Variants in LOC128462377 observed in about 807,000 individuals in gnomAD.
At chr16:89,324,149 T>C in the LOC128462377 span, 1 of 1,011,212 alleles carries the variant, frequency 9.9e-7, no homozygotes, top group African/African-American at 1.7e-5. Flanking sequence ...TGCAGCCCTG[T>C]TTCCACTCAC....
the LOC128462377 span, among the ~76,000 whole-genome samples, chr16:89,386,957 T>C: frequency 6.7e-6 from 1 of 150,040 alleles, no homozygotes; most frequent in African/African-American, 2.5e-5. Context: ...GGCTTGGCAG[T>C]GAGGGCAGGA....
At chr16:89,352,578 C>G in the LOC128462377 span, among the ~76,000 whole-genome samples, 1 of 152,170 alleles carries the variant, frequency 6.6e-6, no homozygotes, top group East Asian at 1.9e-4. Context: ...CACTTCCTCT[C>G]GCCCTGGCCC....
the LOC128462377 span, among the ~76,000 whole-genome samples, chr16:89,390,842 G>A: frequency 4.6e-5 from 7 of 152,154 alleles, no homozygotes; most frequent in African/African-American, 9.7e-5. Flanking sequence ...CCTGCCCTCC[G>A]CATCTGACTG....
chr16:89,401,069 T>C, the LOC128462377 span, among the ~76,000 whole-genome samples: 2 of 151,936 alleles, frequency 1.3e-5, no homozygotes, highest in African/African-American at 4.8e-5. Context: ...GTCTCAGTAA[T>C]GTTATATATT....
the LOC128462377 span, among the ~76,000 whole-genome samples, chr16:89,407,852 C>CAAAAAAAAAAA: frequency 9.0e-6 from 1 of 111,440 alleles, no homozygotes. Context: ...TGTCTCCCTC[C>CAAAAAAAAAAA]AAAAAAAAAA....
chr16:89,406,291 C>G, the LOC128462377 span, among the ~76,000 whole-genome samples: 1 of 152,102 alleles, frequency 6.6e-6, no homozygotes, highest in East Asian at 1.9e-4. Context: ...TGTCTCAGGC[C>G]AACGGCACTG....
chr16:89,389,434 T>C, the LOC128462377 span, among the ~76,000 whole-genome samples: 1 of 151,686 alleles, frequency 6.6e-6, no homozygotes, highest in African/African-American at 2.4e-5. Flanking sequence ...AAAAAGTCAA[T>C]CAAAAGCTAC....
chr16:89,335,174 AG>A, the LOC128462377 span, among the ~76,000 whole-genome samples: 1 of 152,206 alleles, frequency 6.6e-6, no homozygotes, highest in African/African-American at 2.4e-5. Flanking sequence ...TGGAAAGCAC[AG>A]GAAGTGAGCT....
At chr16:89,376,338 T>G in the LOC128462377 span, among the ~76,000 whole-genome samples, 2 of 152,192 alleles carry the variant, frequency 1.3e-5, no homozygotes, top group Non-Finnish European at 2.9e-5. Context: ...AATGTCAAGA[T>G]AACAGGAGAA....
chr16:89,414,964 G>T, the LOC128462377 span, among the ~76,000 whole-genome samples: 2 of 152,022 alleles, frequency 1.3e-5, no homozygotes, highest in Non-Finnish European at 2.9e-5. Context: ...TCTTTATTTG[G>T]GACAGGGTCT....
the LOC128462377 span, among the ~76,000 whole-genome samples, chr16:89,341,795 G>A: frequency 6.6e-6 from 1 of 152,108 alleles, no homozygotes; most frequent in African/African-American, 2.4e-5. Context: ...AGAGATGGCA[G>A]AGTCTGGCAC....
chr16:89,406,615 G>A, the LOC128462377 span, among the ~76,000 whole-genome samples: 1 of 152,198 alleles, frequency 6.6e-6, no homozygotes, highest in Non-Finnish European at 1.5e-5. Context: ...AAAGAGACAA[G>A]GAAGGCCCAG....
the LOC128462377 span, among the ~76,000 whole-genome samples, chr16:89,376,409 G>A: frequency 2.0e-5 from 3 of 152,284 alleles, no homozygotes; most frequent in East Asian, 1.9e-4. Flanking sequence ...GAATATCATC[G>A]AGGAAAAAGG....
At chr16:89,366,548 G>A in the LOC128462377 span, among the ~76,000 whole-genome samples, 1 of 152,178 alleles carries the variant, frequency 6.6e-6, no homozygotes, top group Non-Finnish European at 1.5e-5. Flanking sequence ...GTGTCTCGCT[G>A]TGAGAAACCC....
chr16:89,386,846 C>T, the LOC128462377 span, among the ~76,000 whole-genome samples: 2 of 152,218 alleles, frequency 1.3e-5, no homozygotes, highest in African/African-American at 2.4e-5. Context: ...AGTCCTATCA[C>T]AGCCAGAGCT....
chr16:89,335,912 G>C, the LOC128462377 span, among the ~76,000 whole-genome samples: 1 of 152,202 alleles, frequency 6.6e-6, no homozygotes. Context: ...TGACTGGCCA[G>C]ACCCCTGCCT....
At chr16:89,395,142 C>T in the LOC128462377 span, among the ~76,000 whole-genome samples, 1 of 152,204 alleles carries the variant, frequency 6.6e-6, no homozygotes, top group African/African-American at 2.4e-5. Context: ...CAGGCAACAC[C>T]ACCACTCAAA....
chr16:89,353,710 C>G, the LOC128462377 span, among the ~76,000 whole-genome samples: 1 of 152,208 alleles, frequency 6.6e-6, no homozygotes, highest in Non-Finnish European at 1.5e-5. Flanking sequence ...GAACTCCTGA[C>G]CTCAGCTGAT....
chr16:89,354,950 C>A, the LOC128462377 span, among the ~76,000 whole-genome samples: 1 of 152,116 alleles, frequency 6.6e-6, no homozygotes, highest in Non-Finnish European at 1.5e-5. Context: ...AAGAAAATGC[C>A]CCCAAAGGAG....
Sources: allele counts gnomAD v4.1 joint callset (sites outside exome capture counted in the v4.1 genomes callset), GRCh38; gene constraint gnomAD v4.1.1; transcripts MANE v1.5.